TRIM50: variants seen among roughly 807,000 people sequenced by gnomAD.
TRIM50 encodes E3 ubiquitin-protein ligase TRIM50.
In TRIM50, 34 loss-of-function variants were observed where a neutral mutation model predicts 44.9. The ratio of observed to expected loss-of-function variants is 0.76; its 90% confidence interval spans 0.58 to 1.01. TRIM50 has a LOEUF of 1.01. Among genes scored for constraint, TRIM50 ranks in the 50% least tolerant of loss-of-function variants. The pLI, the probability that TRIM50 is intolerant of heterozygous loss-of-function variation, is 0.00. For missense variants in TRIM50, 633 were observed against 663.7 expected, an observed-to-expected ratio of 0.95 and a Z score of 0.51; for synonymous variants, 307 against 291.1, an observed-to-expected ratio of 1.05 and a Z score of -0.56.
chr7:73,314,415 C>T (rs1387030538), intron 6 of TRIM50: 5 of 437,082 alleles, frequency 1.1e-5, no homozygotes, highest in Non-Finnish European at 2.2e-5. Flanking sequence ...AAGTACAGAC[C>T]AGGGGCAAAG....
At chr7:73,326,195 CCT>C (rs1267229022) in intron 1 of TRIM50, among the ~76,000 whole-genome samples, 2 of 151,316 alleles carry the variant, frequency 1.3e-5, no homozygotes, top group South Asian at 4.2e-4. Flanking sequence ...CCCAGCCTTC[CCT>C]CTCTCTCTCT....
At chr7:73,319,361 A>G (rs1554544730) in intron 3 of TRIM50, among the ~76,000 whole-genome samples, 1 of 151,932 alleles carries the variant, frequency 6.6e-6, no homozygotes, top group Non-Finnish European at 1.5e-5. Flanking sequence ...TGGCATGATC[A>G]TAGCTCACTG....
intron 6 of TRIM50, among the ~76,000 whole-genome samples, chr7:73,315,493 G>A (rs1804335396): frequency 6.6e-6 from 1 of 151,888 alleles, no homozygotes; most frequent in South Asian, 2.1e-4. Context: ...CTCAGTAGCT[G>A]GGCCCACAGG....
intron 2 of TRIM50, chr7:73,321,849 T>C (rs1194725977): frequency 6.6e-6 from 1 of 152,156 alleles, no homozygotes; most frequent in Non-Finnish European, 1.5e-5. Context: ...AAGAACGACA[T>C]TCCAATGTCA....
chr7:73,324,449 C>T lies in TRIM50; in HGVS notation c.339G>A (p.Leu113=). 1.2e-6 allele frequency: 2 copies of T among 1,613,530 alleles called. No individual in the cohort carries two copies. The highest frequency in any genetic ancestry group is 1.7e-6 in the Non-Finnish European group (2 of 1,180,030). Residue 113 remains leucine, a synonymous_variant, in exon 2 of 7, where the codon CTG becomes CTA. Transcript: ENST00000333149. The part of the protein sequence containing the change: ...DQELICGLCG[L]LGSHQHHPVT... Reference sequence around the variant, plus strand: ...CCGGGTGGTGTTGGTGGGAGCCCAGCAGACCGCAGAGGCCACAGATGAGCT... The same window carrying T: ...CCGGGTGGTGTTGGTGGGAGCCCAGTAGACCGCAGAGGCCACAGATGAGCT...
In TRIM50 at chr7:73,313,612, G is replaced by A; in HGVS notation, c.875-102C>T. 1.0e-6 allele frequency: 1 copy of A among 998,372 alleles called. No homozygotes were observed. The highest frequency in any genetic ancestry group is 1.4e-6 in the Non-Finnish European group (1 of 700,670). The allele number at this position is 998,372 out of a possible 1,614,324, so 61.8% of individuals were successfully genotyped here. On this transcript the variant is annotated intron_variant, in intron 6 of 6. Transcript: ENST00000333149. This position sits in a 1 kb window ranked among gnomAD's most constrained non-coding sequence, Gnocchi z 4.9. ...CCTGAACTCCCCAAGGAGAGGGGCT[G>A]TGTCTTCCTCATCTCTCTAGCCCCA...
At chr7:73,319,150 G>A in intron 3 of TRIM50, 98 bp from the exon 4 acceptor site, 2 of 1,585,502 alleles carry the variant, frequency 1.3e-6, no homozygotes, top group South Asian at 1.1e-5. Context: ...GACCGGGTTG[G>A]TCCTGGGACC....
chr7:73,313,498 A>T lies in TRIM50; in HGVS notation c.887T>A (p.Leu296His), dbSNP rs782743956. 6.6e-7 allele frequency: 1 copy of T among 1,512,470 alleles called. No homozygotes were observed. Among genetic ancestry groups the T allele is most frequent in the South Asian group, 1.2e-5 (1 of 81,274 alleles). 93.7% of individuals were successfully genotyped at this position (1,512,470 alleles called of 1,614,324 possible). ...GTGGGCAGTGGCAGGGTCCAACTTG[A>T]GAGGCTCCGGGGCTGGGAGGGAGAT... ...FRKVLPAPEP[L>H]KLDPATAHPL... Residue 296 changes from leucine (L) to histidine (H), a missense_variant, in exon 7 of 7, where the codon CTC becomes CAC. Coordinates refer to ENST00000333149, the MANE Select transcript of TRIM50 (RefSeq NM_178125.3). The surrounding 1 kb of genome is among the most constrained non-coding windows in gnomAD (Gnocchi z 4.9).
chr7:73,319,405 C>T lies in TRIM50; in HGVS notation c.496-353G>A, dbSNP rs190549563. 1.1e-4 allele frequency among the ~76,000 whole-genome samples: 16 copies of T among 152,232 alleles called. No individual in the cohort carries two copies. The East Asian group carries it at 2.5e-3, about 24-fold the overall frequency. ...ACCTCCCAGCCTCAAGCAATCCTCCCGCCTCAGCCTCCCGAGTTGCTGGGA... is the reference window on the plus strand; with the variant it reads ...ACCTCCCAGCCTCAAGCAATCCTCCTGCCTCAGCCTCCCGAGTTGCTGGGA... On this transcript the variant is annotated intron_variant, in intron 3 of 6. Coordinates refer to ENST00000333149, the MANE Select transcript of TRIM50 (RefSeq NM_178125.3).
Position 73,327,997 on chromosome 7 carries a change from AC to A in TRIM50, c.-117del. 3 of 589,172 alleles carry A rather than the reference AC, an allele frequency of 5.1e-6. No individual in the cohort carries two copies. The highest frequency in any genetic ancestry group is 2.0e-5 in the South Asian group (1 of 49,236). 36.5% of individuals were successfully genotyped at this position (589,172 alleles called of 1,614,324 possible). A position where few individuals can be genotyped will look rare whatever the true frequency, so the allele number is the denominator to read the frequency against. On this transcript the variant is annotated 5_prime_UTR_variant, in exon 1 of 7. An upstream open reading frame in the 5' UTR gains an earlier in-frame stop. Coordinates refer to ENST00000333149, the MANE Select transcript of TRIM50 (RefSeq NM_178125.3). ...GAGCTCCAATTACGTGCCCCACCTA[AC>A]CCCCCACGTCCGTGCCTCATCATGA...
chr7:73,318,974 G>A lies in TRIM50; in HGVS notation c.574C>T (p.Arg192Cys), dbSNP rs782638352. ...LHHLVDEEKA[R>C]CLEGIGGHTR... ...TGACCCCCTATCCCCTCCAGGCAGCGGGCCTTCTCCTCATCCACCAGGTGG... is the reference window on the plus strand; with the variant it reads ...TGACCCCCTATCCCCTCCAGGCAGCAGGCCTTCTCCTCATCCACCAGGTGG... The change falls in exon 4 of 7, where the codon CGC (arginine) becomes TGC (cysteine). Residue 192 changes from arginine (R) to cysteine (C), a missense_variant. By Grantham distance (180) the Arg-to-Cys change is radical (BLOSUM62 -3). Coordinates refer to ENST00000333149, the MANE Select transcript of TRIM50 (RefSeq NM_178125.3). The A allele has an allele frequency of 9.3e-6, 15 of 1,613,892 alleles. 1 individual carries two copies. In the Admixed American group the frequency reaches 1.5e-4, roughly 16 times the overall value.
rs781982045 is a variant in TRIM50 at position 73,324,545 on chromosome 7, A to G, written c.243T>C (p.Pro81=). The change falls in exon 2 of 7, where the codon CCT becomes CCC. Residue 81 remains proline (P), a synonymous_variant. Transcript: ENST00000333149. ...LARVIEALRL[P]GDPEPKVCVH... is the part of the protein sequence containing the mutation. ...CGCAGACCTTGGGCTCCGGGTCCCC[A>G]GGGAGCCTCAGGGCTTCGATCACCC... 1.9e-6 allele frequency: 3 copies of G among 1,614,066 alleles called. No homozygotes were observed. The highest frequency in any genetic ancestry group is 2.5e-6 in the Non-Finnish European group (3 of 1,180,004).
In TRIM50 at chr7:73,316,614, A is replaced by C; in HGVS notation, c.825T>G (p.Ala275=). 1 of 1,614,228 alleles carries C rather than the reference A, an allele frequency of 6.2e-7. No individual in the cohort carries two copies. Among genetic ancestry groups the C allele is most frequent in the Non-Finnish European group, 8.5e-7 (1 of 1,180,034 alleles). ...TTTTCCACACGGTCAGCTTGATGTC[A>C]GCCTGGTGGAGGCCTGGCTTGAAGG... The part of the protein sequence containing the change: ...PISFKPGLHQ[A]DIKLTVWKRL... The change falls in exon 6 of 7, where the codon GCT becomes GCG. Residue 275 remains alanine (A), a synonymous_variant. Coordinates refer to ENST00000333149, the MANE Select transcript of TRIM50 (RefSeq NM_178125.3).
intron 3 of TRIM50, among the ~76,000 whole-genome samples, chr7:73,319,418 C>T (rs139101222): frequency 0.026 from 3,927 of 152,136 alleles, 165 homozygotes; most frequent in African/African-American, 0.089. Flanking sequence ...CTCAGCCTCC[C>T]GAGTTGCTGG....
intron 6 of TRIM50, 85 bp downstream of exon 6, chr7:73,316,480 G>C (rs1804360614): frequency 3.2e-6 from 5 of 1,555,732 alleles, no homozygotes; most frequent in East Asian, 4.5e-5. Context: ...GTTCTCTGTA[G>C]CTTATTATCT....
In TRIM50 at chr7:73,319,050, A is replaced by G. The variant is rs148792885; in HGVS notation, c.498T>C (p.Asn166=). The change falls in exon 4 of 7, where the codon AAT becomes AAC. Residue 166 remains asparagine (N), a splice_region_variant and synonymous_variant. Coordinates refer to ENST00000333149, the MANE Select transcript of TRIM50 (RefSeq NM_178125.3). The stretch of plus-strand genomic sequence containing the variant: ...TCACCCAGCTGAAGACATCCGACTC[A>G]TTCTGGGACAGGGAGGGCTGGTCAC... ...KLVNNRTRIV[N]ESDVFSWVIR... is the part of the protein sequence containing the mutation. 2 of 1,613,950 alleles carry G rather than the reference A, an allele frequency of 1.2e-6. No individual in the cohort carries two copies. Among genetic ancestry groups the G allele is most frequent in the Non-Finnish European group, 1.7e-6 (2 of 1,179,842 alleles).
chr7:73,316,108 T>C lies in TRIM50; in HGVS notation c.874+457A>G, dbSNP rs7776916. 8.8e-3 allele frequency among the ~76,000 whole-genome samples: 1,341 copies of C among 152,242 alleles called. 31 individuals carry two copies. The highest frequency in any genetic ancestry group is 0.03 in the African/African-American group (1,266 of 41,516). On this transcript the variant is annotated intron_variant, in intron 6 of 6. Transcript: ENST00000333149. ...GTTGGCCAAGCTGGACTTGAACTCC[T>C]GACCTCAGAAGATCCGCCCTCCTCA...
In TRIM50 at chr7:73,313,580, T is replaced by C. The variant is rs1172177714; in HGVS notation, c.875-70A>G. On this transcript the variant is annotated intron_variant, in intron 6 of 6. Transcript: ENST00000333149. This position sits in a 1 kb window ranked among gnomAD's most constrained non-coding sequence, Gnocchi z 4.9. ...AGCAGACCCGGCCCACAGAAGCTGA[T>C]GGAGGCCCTGAACTCCCCAAGGAGA... The C allele has an allele frequency of 2.3e-6, 3 of 1,329,344 alleles. No homozygotes were observed. Among genetic ancestry groups the C allele is most frequent in the Non-Finnish European group, 3.0e-6 (3 of 1,000,176 alleles). 82.3% of individuals were successfully genotyped at this position (1,329,344 alleles called of 1,614,324 possible). A position where few individuals can be genotyped will look rare whatever the true frequency, so the allele number is the denominator to read the frequency against.
chr7:73,322,275 G>A (rs1223335196), intron 2 of TRIM50, among the ~76,000 whole-genome samples: 2 of 152,172 alleles, frequency 1.3e-5, no homozygotes, highest in Non-Finnish European at 2.9e-5. Flanking sequence ...CGTGAACCCG[G>A]GAGGCGGAGC....
Sources: allele counts gnomAD v4.1 joint callset (sites outside exome capture counted in the v4.1 genomes callset), GRCh38; gene constraint gnomAD v4.1.1; non-coding constraint Gnocchi (gnomAD v3.1); transcripts MANE v1.5; gene names NCBI Gene and HGNC (gene_info 2026-07-23, HGNC 2026-07-21).